SLC14A2: variants seen among roughly 807,000 people sequenced by gnomAD.
SLC14A2 encodes the protein urea transporter 2.
In SLC14A2, 91 loss-of-function variants were observed where a neutral mutation model predicts 104.6. The ratio of observed to expected loss-of-function variants is 0.87; its 90% CI spans 0.73 to 1.04. The LOEUF (loss-of-function observed/expected upper bound fraction) is 1.04, where lower values mean the gene tolerates loss of function less well. SLC14A2 is among the 50% of genes least tolerant of loss of function. The probability of loss-of-function intolerance (pLI) is 0.00; values close to 1 mark genes in which losing one functional copy is unlikely to be tolerated. For missense variants in SLC14A2, 1,189 were observed against 1,156.0 expected (o/e 1.03, Z -0.41); for synonymous variants, 476 against 466.4 (o/e 1.02, Z -0.27).
intron 1 of SLC14A2, among the ~76,000 whole-genome samples, chr18:45,269,508 G>A (rs918744345): frequency 2.0e-5 from 3 of 151,794 alleles, no homozygotes; most frequent in African/African-American, 7.2e-5. Context: ...TGAGTGCCAG[G>A]GGTTAATGCC....
chr18:45,451,555 T>C lies in SLC14A2; in HGVS notation c.-124-31678T>C, dbSNP rs1015890226. On this transcript the variant is annotated intron_variant, in intron 1 of 20. Transcript: ENST00000586448. ...GGAAGAAATTTCATTGTATGAAATT[T>C]TCTTATTCCCAAAATTGAATATAAA... Among the ~76,000 whole-genome samples the C allele has an allele frequency of 2.6e-5, 4 of 152,138 alleles. No individual in the cohort carries two copies. In the East Asian group the frequency reaches 7.7e-4, roughly 29 times the overall value.
chr18:45,388,960 A>G (rs1333452830), intron 1 of SLC14A2, among the ~76,000 whole-genome samples: 1 of 152,254 alleles, frequency 6.6e-6, no homozygotes, highest in Non-Finnish European at 1.5e-5. Flanking sequence ...GGAAAATAGA[A>G]GTTAAATATT....
intron 12 of SLC14A2, among the ~76,000 whole-genome samples, chr18:45,666,490 A>G (rs2046026360): frequency 6.6e-6 from 1 of 152,186 alleles, no homozygotes; most frequent in South Asian, 2.1e-4. Context: ...CTGTTTTCAA[A>G]AACAGAATCT....
intron 1 of SLC14A2, among the ~76,000 whole-genome samples, chr18:45,260,582 G>A (rs1392736664): frequency 6.6e-6 from 1 of 152,068 alleles, no homozygotes; most frequent in Non-Finnish European, 1.5e-5. Context: ...AGAGTGGACT[G>A]GATAAAGAAA....
At chr18:45,554,292 TG>T (rs965807173) in intron 2 of SLC14A2, among the ~76,000 whole-genome samples, 2 of 151,960 alleles carry the variant, frequency 1.3e-5, no homozygotes, top group South Asian at 2.1e-4. Flanking sequence ...GAAAGGGAGT[TG>T]GGGGGAAGAA....
chr18:45,424,542 G>A (rs2086396605), intron 1 of SLC14A2, among the ~76,000 whole-genome samples: 2 of 152,250 alleles, frequency 1.3e-5, no homozygotes, highest in Middle Eastern at 3.2e-3. Flanking sequence ...GGAGCAAACT[G>A]TTTCTAAAAT....
chr18:45,298,528 A>G (rs987284578), intron 1 of SLC14A2, among the ~76,000 whole-genome samples: 1 of 152,164 alleles, frequency 6.6e-6, no homozygotes, highest in African/African-American at 2.4e-5. Context: ...CCTTTAGCCC[A>G]CTTTCCATTC....
chr18:45,640,992 C>G (rs1599104331), intron 7 of SLC14A2, among the ~76,000 whole-genome samples: 2 of 152,210 alleles, frequency 1.3e-5, no homozygotes, highest in Non-Finnish European at 2.9e-5. Flanking sequence ...CCAAGTGAAG[C>G]CTGTGGCTTT....
chr18:45,479,100 C>T (rs186959133), intron 1 of SLC14A2, among the ~76,000 whole-genome samples: 2 of 152,252 alleles, frequency 1.3e-5, no homozygotes, highest in Non-Finnish European at 2.9e-5. Context: ...TTTTGGCAGC[C>T]CTTCCTCAAC....
At chr18:45,630,891 C>T (rs1035728670) in intron 4 of SLC14A2, among the ~76,000 whole-genome samples, 3 of 152,162 alleles carry the variant, frequency 2.0e-5, no homozygotes, top group Non-Finnish European at 2.9e-5. Context: ...GTGCCTTGTG[C>T]TACAGCTTTC....
At chr18:45,506,114 G>A (rs1171380023) in intron 2 of SLC14A2, among the ~76,000 whole-genome samples, 1 of 152,150 alleles carries the variant, frequency 6.6e-6, no homozygotes, top group East Asian at 1.9e-4. Flanking sequence ...AGGCTGCAGG[G>A]GGACCTTGAA....
chr18:45,200,056 A>G, the SLC14A2 span, among the ~76,000 whole-genome samples: 1 of 152,066 alleles, frequency 6.6e-6, no homozygotes, highest in Non-Finnish European at 1.5e-5. Flanking sequence ...GCCTATATCT[A>G]TAGGTTTTCT....
chr18:45,240,631 T>G (rs1044384224), intron 1 of SLC14A2, among the ~76,000 whole-genome samples: 33 of 135,180 alleles, frequency 2.4e-4, no homozygotes, highest in African/African-American at 5.3e-4. Flanking sequence ...GGAGAAAGTG[T>G]TTTTTTTTTG....
chr18:45,449,323 A>C (rs955883769), intron 1 of SLC14A2, among the ~76,000 whole-genome samples: 3 of 152,084 alleles, frequency 2.0e-5, no homozygotes, highest in Non-Finnish European at 4.4e-5. Flanking sequence ...CCACTTCTTC[A>C]CCTATGAGAA....
upstream of SLC14A2, among the ~76,000 whole-genome samples, chr18:45,209,379 CTG>C (rs769850830): frequency 1.3e-5 from 2 of 151,312 alleles, no homozygotes; most frequent in Non-Finnish European, 3.0e-5. Context: ...ACAACAACAA[CTG>C]TGGTCAAAAT....
chr18:45,533,473 A>G (rs1000798962), intron 2 of SLC14A2, among the ~76,000 whole-genome samples: 6 of 152,126 alleles, frequency 3.9e-5, no homozygotes, highest in Admixed American at 1.3e-4. Context: ...TAGATTTTCA[A>G]GTTGATTTGC....
chr18:45,664,723 CAGTT>C (rs1387322684), intron 11 of SLC14A2, among the ~76,000 whole-genome samples: 1 of 152,190 alleles, frequency 6.6e-6, no homozygotes, highest in African/African-American at 2.4e-5. Context: ...TACCACAAGT[CAGTT>C]AGCCCAGAGA....
Position 45,620,050 on chromosome 18 carries a change from A to T in SLC14A2, c.-35+4468A>T, listed in dbSNP as rs78906218. ...GCGGAGACTTGCTCTCCACAGGGCC[A>T]TTGGTGCTGCATGTCTCGCCCCCTA... On this transcript the variant is annotated intron_variant, in intron 1 of 19. Coordinates refer to ENST00000255226, the MANE Select transcript of SLC14A2 (RefSeq NM_007163.4). Among the ~76,000 whole-genome samples, 394 of 152,310 alleles carry T rather than the reference A, an allele frequency of 2.6e-3. 17 individuals carry two copies. In the East Asian group the frequency reaches 0.065, roughly 25 times the overall value.
At chr18:45,519,409 A>G (rs2043485928) in intron 2 of SLC14A2, among the ~76,000 whole-genome samples, 1 of 152,150 alleles carries the variant, frequency 6.6e-6, no homozygotes, top group Non-Finnish European at 1.5e-5. Flanking sequence ...CTCAGGGGAA[A>G]TTATTCTTTA....
Sources: allele counts gnomAD v4.1 joint callset (sites outside exome capture counted in the v4.1 genomes callset), GRCh38; gene constraint gnomAD v4.1.1; transcripts MANE v1.5; gene names NCBI Gene and HGNC (gene_info 2026-07-23, HGNC 2026-07-21).